Variants in TMEM266 observed in about 807,000 individuals in gnomAD.
The protein encoded by TMEM266 is Hv1 related protein 1.
A neutral mutation model predicts 50.5 loss-of-function variants in TMEM266; 33 were observed. The ratio of observed to expected loss-of-function variants is 0.65; its 90% CI spans 0.50 to 0.87. The LOEUF (loss-of-function observed/expected upper bound fraction) is 0.87. TMEM266 is among the 40% of genes least tolerant of loss of function. The pLI, the probability that TMEM266 is intolerant of heterozygous loss-of-function variation, is 0.00. For missense variants in TMEM266, 655 were observed against 695.1 expected, an observed-to-expected ratio of 0.94 and a Z score of 0.65; for synonymous variants, 310 against 292.3, an observed-to-expected ratio of 1.06 and a Z score of -0.62.
intron 7 of TMEM266, among the ~76,000 whole-genome samples, chr15:76,172,767 C>T (rs2038205556): frequency 6.6e-6 from 1 of 152,160 alleles, no homozygotes; most frequent in Non-Finnish European, 1.5e-5. Flanking sequence ...AGAAGTGGAG[C>T]CTAAGACCCC....
At chr15:76,169,192 T>C (rs553391544) in intron 5 of TMEM266, among the ~76,000 whole-genome samples, 20 of 152,168 alleles carry the variant, frequency 1.3e-4, no homozygotes, top group Admixed American at 6.5e-4. Context: ...AAAGTTGTAC[T>C]GGGTGCTTCT....
Position 76,204,340 on chromosome 15 carries a change from G to A in TMEM266, c.*25G>A, listed in dbSNP as rs959229652. On this transcript the variant is annotated 3_prime_UTR_variant, in exon 11 of 11. Coordinates refer to ENST00000388942, the MANE Select transcript of TMEM266 (RefSeq NM_152335.3). ...GAGCCTGCCATGGGCTGGGTGAGAT[G>A]AGGGGAGACAGCCATCTCAAAGCTC... The A allele has an allele frequency of 1.8e-5, 28 of 1,563,246 alleles. No individual in the cohort carries two copies. Among genetic ancestry groups the A allele is most frequent in the Non-Finnish European group, 2.3e-5 (26 of 1,148,684 alleles).
intron 1 of TMEM266, among the ~76,000 whole-genome samples, chr15:76,128,105 G>T (rs1408273490): frequency 1.3e-5 from 2 of 152,076 alleles, no homozygotes; most frequent in African/African-American, 4.8e-5. Context: ...TTCTGATTTA[G>T]CATTTCTGCA....
At chr15:76,146,131 C>G (rs903361593) in intron 3 of TMEM266, among the ~76,000 whole-genome samples, 6 of 152,134 alleles carry the variant, frequency 3.9e-5, no homozygotes, top group Non-Finnish European at 8.8e-5. Context: ...CCACAGGCAA[C>G]AAAAGAGAAA....
intron 9 of TMEM266, among the ~76,000 whole-genome samples, chr15:76,193,903 G>GT (rs1412230198): frequency 6.6e-6 from 1 of 152,240 alleles, no homozygotes; most frequent in Non-Finnish European, 1.5e-5. Flanking sequence ...AGTTCTTGAT[G>GT]TACTGCCTCC....
At chr15:76,166,452 TGGGTCCCCTGCGGATGG>T (rs533425318) in intron 5 of TMEM266, among the ~76,000 whole-genome samples, 1,661 of 152,306 alleles carry the variant, frequency 0.011, 18 homozygotes, top group Non-Finnish European at 0.018. Context: ...CCTCCGAGGA[TGGGTCCCCTGCGGATGG>T]GCCAGCACAG....
chr15:76,168,742 GC>G lies in TMEM266; in HGVS notation c.457-1072del, dbSNP rs2038137973. 6.6e-6 allele frequency among the ~76,000 whole-genome samples: 1 copy of G among 152,262 alleles called. No individual in the cohort carries two copies. Among genetic ancestry groups the G allele is most frequent in the Non-Finnish European group, 1.5e-5 (1 of 68,046 alleles). ...AGAGACAGCAGACCAGGTCCCTTGA[GC>G]CTCCACTGGGGGATGGGGAGGGAAT... On this transcript the variant is annotated intron_variant, in intron 5 of 10. Coordinates refer to ENST00000388942, the MANE Select transcript of TMEM266 (RefSeq NM_152335.3). This position sits in a 1 kb window ranked among gnomAD's most constrained non-coding sequence, Gnocchi z 4.4.
intron 7 of TMEM266, among the ~76,000 whole-genome samples, chr15:76,173,452 C>T (rs1268043771): frequency 6.6e-6 from 1 of 152,172 alleles, no homozygotes; most frequent in East Asian, 1.9e-4. Context: ...CAGAGCTACT[C>T]TGAACCCACA....
intron 8 of TMEM266, chr15:76,191,537 A>G (rs994100224): frequency 6.5e-6 from 1 of 154,304 alleles, no homozygotes; most frequent in Non-Finnish European, 1.4e-5. Flanking sequence ...CCAGGCTGGG[A>G]CGGGGGCCCT....
intron 3 of TMEM266, among the ~76,000 whole-genome samples, chr15:76,144,507 C>T (rs1057448446): frequency 6.6e-6 from 1 of 152,178 alleles, no homozygotes. Context: ...AAAGCCCATG[C>T]CGTGTGGGCT....
intron 1 of TMEM266, among the ~76,000 whole-genome samples, chr15:76,085,120 C>G (rs1452149337): frequency 6.8e-6 from 1 of 146,180 alleles, no homozygotes; most frequent in Non-Finnish European, 1.5e-5. Context: ...CCACCACACC[C>G]TGCTAATTTT....
chr15:76,062,412 A>G (rs924527176), intron 1 of TMEM266, among the ~76,000 whole-genome samples: 2 of 152,226 alleles, frequency 1.3e-5, no homozygotes, highest in Non-Finnish European at 2.9e-5. Flanking sequence ...CGGTTTGTAC[A>G]TAGTATTCTT....
At chr15:76,171,326 C>T (rs1415302981) in intron 7 of TMEM266, among the ~76,000 whole-genome samples, 195 bp downstream of exon 7, 2 of 152,224 alleles carry the variant, frequency 1.3e-5, no homozygotes, top group Non-Finnish European at 2.9e-5. Flanking sequence ...GGGTGTCACA[C>T]GTACACGCTG....
chr15:76,126,914 C>A (rs2037432971), intron 1 of TMEM266, among the ~76,000 whole-genome samples: 1 of 151,872 alleles, frequency 6.6e-6, no homozygotes, highest in Non-Finnish European at 1.5e-5. Context: ...TTGCGGGGGG[C>A]AGGTGGTGAG....
intron 7 of TMEM266, among the ~76,000 whole-genome samples, chr15:76,173,956 A>G (rs1035062463): frequency 1.3e-5 from 2 of 151,232 alleles, no homozygotes; most frequent in East Asian, 1.9e-4. Context: ...AAAAAAAAAA[A>G]GAGGTCTGTG....
intron 8 of TMEM266, among the ~76,000 whole-genome samples, chr15:76,183,535 C>T (rs569611292): frequency 1.3e-5 from 2 of 152,238 alleles, no homozygotes; most frequent in African/African-American, 2.4e-5. Flanking sequence ...TATTGCTCTG[C>T]CCCCGTTTTA....
intron 9 of TMEM266, among the ~76,000 whole-genome samples, chr15:76,196,569 G>A (rs948452714): frequency 6.6e-6 from 1 of 152,238 alleles, no homozygotes; most frequent in Admixed American, 6.5e-5. Context: ...GGCAGTGCTT[G>A]TTGCTAACTA....
intron 7 of TMEM266, among the ~76,000 whole-genome samples, chr15:76,172,013 G>T (rs2038196058): frequency 6.6e-6 from 1 of 152,118 alleles, no homozygotes; most frequent in African/African-American, 2.4e-5. Context: ...GGCTCCAGAG[G>T]GTGTCCTTGG....
At chr15:76,113,317 A>C (rs1392238998) in intron 1 of TMEM266, 2 of 152,346 alleles carry the variant, frequency 1.3e-5, no homozygotes, top group Non-Finnish European at 2.9e-5. Flanking sequence ...CGTCTCAAAA[A>C]TAAAAAATAA....
Sources: gnomAD v4.1 joint callset for allele counts (sites outside exome capture counted in the v4.1 genomes callset) on GRCh38, gnomAD v4.1.1 for gene constraint, Gnocchi (gnomAD v3.1) non-coding constraint, MANE v1.5 for transcripts, NCBI Gene and HGNC (gene_info 2026-07-23, HGNC 2026-07-21) for gene names.